The following YIPF7 variants were observed in gnomAD, a reference collection of about 807,000 sequenced individuals.
YIPF7 encodes Yip1 domain family member 7.
In YIPF7, 35 loss-of-function variants were observed where a neutral mutation model predicts 27.2. The observed-to-expected ratio is 1.29, with a 90% CI of 0.98 to 1.70. The LOEUF (loss-of-function observed/expected upper bound fraction) is 1.70, where lower values mean the gene tolerates loss of function less well. Among genes scored for constraint, YIPF7 ranks in the 40% most tolerant of loss-of-function variants. The probability of loss-of-function intolerance (pLI) is 0.00; values close to 1 mark genes in which losing one functional copy is unlikely to be tolerated. For synonymous variants in YIPF7, 137 were observed against 110.4 expected (o/e 1.24, Z -1.51); for missense variants, 358 against 303.7 (o/e 1.18, Z -1.33).
upstream of YIPF7, among the ~76,000 whole-genome samples, chr4:44,656,060 A>G (rs201839567): frequency 3.8e-4 from 58 of 152,122 alleles, 1 homozygote; most frequent in East Asian, 0.01. Context: ...TACAGAAAAC[A>G]TTGCATTCTA....
intron 2 of YIPF7, among the ~76,000 whole-genome samples, chr4:44,649,301 C>G (rs1365719959): frequency 6.6e-6 from 1 of 152,136 alleles, no homozygotes; most frequent in African/African-American, 2.4e-5. Flanking sequence ...AAGCCTTTCA[C>G]TTGGCTCAGG....
chr4:44,626,951 A>AT (rs35211257), intron 4 of YIPF7, among the ~76,000 whole-genome samples: 46,626 of 143,656 alleles, frequency 0.32, 7,442 homozygotes, highest in Middle Eastern at 0.39. Context: ...AATTTTCTGT[A>AT]TTTTTTTTTT....
upstream of YIPF7, among the ~76,000 whole-genome samples, chr4:44,654,303 T>G (rs892168085): frequency 2.7e-4 from 41 of 152,086 alleles, no homozygotes; most frequent in Admixed American, 9.8e-4. Flanking sequence ...TTATTTTAAC[T>G]CATCTGTTTT....
intron 1 of YIPF7, among the ~76,000 whole-genome samples, chr4:44,650,938 G>T (rs550256788): frequency 6.6e-6 from 1 of 152,060 alleles, no homozygotes; most frequent in Non-Finnish European, 1.5e-5. Flanking sequence ...ATAGAGAAGC[G>T]ACTCTTTTCA....
At chr4:44,658,761 A>T (rs1713970095) in intron 2 of YIPF7, among the ~76,000 whole-genome samples, 1 of 152,198 alleles carries the variant, frequency 6.6e-6, no homozygotes, top group African/African-American at 2.4e-5. Context: ...ACATGGCAGC[A>T]GATAGGAGAA....
At chr4:44,626,085 T>C (rs1712623376) in intron 4 of YIPF7, among the ~76,000 whole-genome samples, 1 of 152,190 alleles carries the variant, frequency 6.6e-6, no homozygotes, top group Non-Finnish European at 1.5e-5. Context: ...TGTTCAAAAT[T>C]GTTTACCTAT....
rs553232428 is a variant in YIPF7, at chr4:44,622,224, C to T, written c.*190G>A. ...TTTTGAAATGTTTTAATGCACCAAA[C>T]TCAAAAGCAAAACATCATTCAAACC... On this transcript the variant is annotated 3_prime_UTR_variant, in exon 6 of 6. Transcript: ENST00000415895. 3 of 690,224 alleles carry T rather than the reference C, an allele frequency of 4.3e-6. No homozygotes were observed. The highest frequency in any genetic ancestry group is 4.4e-5 in the South Asian group (2 of 45,656). The allele number at this position is 690,224 out of a possible 1,614,324, so 42.8% of individuals were successfully genotyped here.
chr4:44,634,662 C>A (rs1224644205), intron 3 of YIPF7, among the ~76,000 whole-genome samples: 1 of 152,032 alleles, frequency 6.6e-6, no homozygotes, highest in African/African-American at 2.4e-5. Context: ...ATACATAATA[C>A]ATATACACAG....
At chr4:44,654,723 C>T (rs2109604786), upstream of YIPF7, among the ~76,000 whole-genome samples, 1 of 152,150 alleles carries the variant, frequency 6.6e-6, no homozygotes, top group South Asian at 2.1e-4. Context: ...ACAAAGCACT[C>T]ACTCAAATCA....
Position 44,622,548 on chromosome 4 carries a change from C to T in YIPF7, c.637G>A (p.Val213Ile). ...QGIFGIMSSL[V>I]IIGWCSLSAS... ...GAGAGACTACACCAGCCAATGATGA[C>T]CAGGGATGACATGATTCCAAAGATG... The change falls in exon 6 of 6, where the codon GTC becomes ATC. Residue 213 changes from valine (V) to isoleucine (I), a missense_variant. By Grantham distance (29) the Val-to-Ile change is conservative. Coordinates refer to ENST00000415895, the MANE Select transcript of YIPF7 (RefSeq NM_182592.3). 1 of 1,613,756 alleles carries T rather than the reference C, an allele frequency of 6.2e-7. No homozygotes were observed. Among genetic ancestry groups the T allele is most frequent in the Non-Finnish European group, 8.5e-7 (1 of 1,179,782 alleles).
intron 2 of YIPF7, among the ~76,000 whole-genome samples, chr4:44,644,227 T>A (rs1457585141): frequency 6.6e-6 from 1 of 152,206 alleles, no homozygotes; most frequent in Non-Finnish European, 1.5e-5. Flanking sequence ...GAAATTATTT[T>A]GAAGCTTTAA....
rs372346696 is a variant in YIPF7, at chr4:44,650,113, GA to G, written c.-1-13del. On this transcript the variant is annotated splice_polypyrimidine_tract_variant and intron_variant, in intron 1 of 5. Coordinates refer to ENST00000415895, the MANE Select transcript of YIPF7 (RefSeq NM_182592.3). ...CCAAGTTTGACATCCTGAAAAATAA[GA>G]GTATGTTTTTAATAAGTTCATGAGT... 25 of 1,461,690 alleles carry G rather than the reference GA, an allele frequency of 1.7e-5. No individual in the cohort carries two copies. In the African/African-American group the frequency reaches 3.4e-4, roughly 20 times the overall value. 90.5% of individuals were successfully genotyped at this position (1,461,690 alleles called of 1,614,324 possible). A position where few individuals can be genotyped will look rare whatever the true frequency, so the allele number is the denominator to read the frequency against.
intron 2 of YIPF7, among the ~76,000 whole-genome samples, chr4:44,637,131 C>A (rs1713153830): frequency 3.9e-5 from 6 of 151,962 alleles, no homozygotes; most frequent in African/African-American, 1.5e-4. Flanking sequence ...ACCACATTTT[C>A]TTTATTCATT....
intron 5 of YIPF7, among the ~76,000 whole-genome samples, chr4:44,623,403 C>T (rs1371241): frequency 0.47 from 71,592 of 151,974 alleles, 17,976 homozygotes; most frequent in African/African-American, 0.65. Flanking sequence ...AATTGCATGG[C>T]AAAGTGGACA....
At chr4:44,658,290 A>G (rs1420210343) in intron 2 of YIPF7, among the ~76,000 whole-genome samples, 1 of 152,140 alleles carries the variant, frequency 6.6e-6, no homozygotes, top group South Asian at 2.1e-4. Flanking sequence ...GTGAGGATAC[A>G]ATAAGAACTC....
At chr4:44,635,712 G>A (rs1172336297) in intron 3 of YIPF7, among the ~76,000 whole-genome samples, 1 of 152,076 alleles carries the variant, frequency 6.6e-6, no homozygotes, top group Non-Finnish European at 1.5e-5. Context: ...CAATATCACA[G>A]AATATCTCAT....
At chr4:44,644,669 T>G (rs1235867479) in intron 2 of YIPF7, among the ~76,000 whole-genome samples, 1 of 152,022 alleles carries the variant, frequency 6.6e-6, no homozygotes, top group East Asian at 1.9e-4. Context: ...AATGCTGGAG[T>G]GAGTTAAGAC....
Position 44,624,659 on chromosome 4 carries a change from C to A in YIPF7, c.550G>T (p.Gly184Cys). 6.2e-7 allele frequency: 1 copy of A among 1,604,476 alleles called. No homozygotes were observed. Among genetic ancestry groups the A allele is most frequent in the Non-Finnish European group, 8.5e-7 (1 of 1,175,832 alleles). Residue 184 changes from glycine to cysteine, a missense_variant, in exon 5 of 6, where the codon GGT becomes TGT. Gly to Cys is a radical substitution (Grantham distance 159, BLOSUM62 -3). Coordinates refer to ENST00000415895, the MANE Select transcript of YIPF7 (RefSeq NM_182592.3). The stretch of plus-strand genomic sequence containing the variant: ...ATGACCATGGGGAGCAGGCAGTAAC[C>A]CAGCACGCTGGCCACACAGCCGTAC... ...VSYGCVASVL[G>C]YCLLPMVILS...
At chr4:44,648,068 C>T (rs1018781703) in intron 2 of YIPF7, among the ~76,000 whole-genome samples, 77 of 152,128 alleles carry the variant, frequency 5.1e-4, no homozygotes, top group African/African-American at 1.6e-3. Flanking sequence ...AGTTATAGCA[C>T]TAATCAAACA....
Sources: gnomAD v4.1 joint callset for allele counts (sites outside exome capture counted in the v4.1 genomes callset) on GRCh38, gnomAD v4.1.1 for gene constraint, MANE v1.5 for transcripts, NCBI Gene and HGNC (gene_info 2026-07-23, HGNC 2026-07-21) for gene names.